CD70: variants seen among roughly 807,000 people sequenced by gnomAD.
CD70 encodes the protein CD70 molecule, also known as CD70 antigen.
In CD70, 6 loss-of-function variants were observed where a neutral mutation model predicts 9.0. The observed-to-expected ratio is 0.67, with a 90% CI of 0.37 to 1.32. CD70 has a LOEUF of 1.32. CD70 is among the 40% of genes most tolerant of loss of function. The pLI is 0.02. For missense variants in CD70, 235 were observed against 258.7 expected (o/e 0.91, Z 0.63); for synonymous variants, 108 against 112.3 (o/e 0.96, Z 0.24).
In CD70 at chr19:6,590,464, G is replaced by C. The variant is rs1352681701; in HGVS notation, c.163-328C>G. ...AAAGGCGCCCGGCGCGGTCCCCAAAGGGACCCCTCCCCCACCCGGAGCGAG... is the reference window on the plus strand; with the variant it reads ...AAAGGCGCCCGGCGCGGTCCCCAAACGGACCCCTCCCCCACCCGGAGCGAG... On this transcript the variant is annotated intron_variant, in intron 1 of 2. Transcript: ENST00000245903. The surrounding 1 kb of genome is among the most constrained non-coding windows in gnomAD (Gnocchi z 5.3). Among the ~76,000 whole-genome samples the C allele has an allele frequency of 1.3e-5, 2 of 152,140 alleles. No individual in the cohort carries two copies. The highest frequency in any genetic ancestry group is 3.2e-3 in the Middle Eastern group (1 of 314).
chr19:6,587,171 TGA>T (rs200436238), intron 2 of CD70, among the ~76,000 whole-genome samples: 2,562 of 125,496 alleles, frequency 0.02, 105 homozygotes, highest in Admixed American at 0.12. Context: ...AGAGACAGCA[TGA>T]GAGAGAGAGA....
At chr19:6,589,376 TTTCTTTTCCTTTC>T (rs1217299111) in intron 2 of CD70, among the ~76,000 whole-genome samples, 2 of 148,246 alleles carry the variant, frequency 1.3e-5, no homozygotes, top group Non-Finnish European at 3.0e-5. Flanking sequence ...TTTCTTTCTT[TTTCTTTTCCTTTC>T]TTCTTTTTAT....
At chr19:6,583,463 C>G, downstream of CD70, 1 of 645,224 alleles carries the variant, frequency 1.5e-6, no homozygotes, top group Non-Finnish European at 2.8e-6. Context: ...TCCCCAGTTC[C>G]AAAATCCAAA....
chr19:6,585,021 C>T (rs966895804), downstream of CD70, among the ~76,000 whole-genome samples: 1 of 152,096 alleles, frequency 6.6e-6, no homozygotes, highest in Non-Finnish European at 1.5e-5. Context: ...GTTTGCGACA[C>T]CCCTCACCAG....
In CD70 at chr19:6,590,694, G is replaced by T; in HGVS notation, c.162+147C>A. The T allele has an allele frequency of 2.8e-6, 2 of 704,802 alleles. No individual in the cohort carries two copies. The highest frequency in any genetic ancestry group is 2.8e-5 in the East Asian group (1 of 35,952). The allele number at this position is 704,802 out of a possible 1,614,324, so 43.7% of individuals were successfully genotyped here. On this transcript the variant is annotated intron_variant, in intron 1 of 2. Coordinates refer to ENST00000245903, the MANE Select transcript of CD70 (RefSeq NM_001252.5). This position sits in a 1 kb window ranked among gnomAD's most constrained non-coding sequence, Gnocchi z 5.3. ...TGTCTCGTAGCCCCTACACCGGGCAGCCTGGTCCCCGCCTCGCCTCCCTGT... is the reference window on the plus strand; with the variant it reads ...TGTCTCGTAGCCCCTACACCGGGCATCCTGGTCCCCGCCTCGCCTCCCTGT...
rs763748622 is a variant in CD70, at chr19:6,590,976, C to G, written c.27G>C (p.Ser9=). 3.1e-6 allele frequency: 5 copies of G among 1,611,370 alleles called. No individual in the cohort carries two copies. Among genetic ancestry groups the G allele is most frequent in the Middle Eastern group, 1.7e-4 (1 of 6,048 alleles). The part of the protein sequence containing the change: MPEEGSGC[S]VRRRPYGCVL... The stretch of plus-strand genomic sequence containing the variant: ...CGCACCCATAGGGCCTGCGCCGCAC[C>G]GAGCAGCCCGAACCCTCCTCCGGCA... The change falls in exon 1 of 3, where the codon TCG becomes TCC. Residue 9 remains serine (S), a synonymous_variant. Coordinates refer to ENST00000245903, the MANE Select transcript of CD70 (RefSeq NM_001252.5). The surrounding 1 kb of genome is among the most constrained non-coding windows in gnomAD (Gnocchi z 5.3).
rs745377808 is a variant in CD70, at chr19:6,586,215, G to T, written c.387C>A (p.Ala129=). Reference sequence around the variant, plus strand: ...GGGAGGCGGGAGAGCAGATTCCCACGGCCAGGGTGGTGGGGTGGTGCCTGG... The same window carrying T: ...GGGAGGCGGGAGAGCAGATTCCCACTGCCAGGGTGGTGGGGTGGTGCCTGG... ...TASRHHPTTL[A]VGICSPASRS... The change falls in exon 3 of 3, where the codon GCC becomes GCA. Residue 129 remains alanine (A), a synonymous_variant. Coordinates refer to ENST00000245903, the MANE Select transcript of CD70 (RefSeq NM_001252.5). The T allele has an allele frequency of 1.2e-6, 2 of 1,614,112 alleles. No homozygotes were observed. The highest frequency in any genetic ancestry group is 3.3e-5 in the Admixed American group (2 of 60,030).
intron 2 of CD70, among the ~76,000 whole-genome samples, chr19:6,587,508 A>G (rs1916053622): frequency 6.6e-6 from 1 of 151,146 alleles, no homozygotes; most frequent in African/African-American, 2.4e-5. Context: ...GACAGACAGC[A>G]CGAGAGAGAC....
downstream of CD70, chr19:6,583,528 GAACT>G: frequency 2.0e-6 from 1 of 510,426 alleles, no homozygotes; most frequent in Non-Finnish European, 3.5e-6. Context: ...TCTCTGACCT[GAACT>G]AACTTTTTGT....
chr19:6,588,984 G>A (rs1346262787), intron 2 of CD70, among the ~76,000 whole-genome samples: 1 of 152,102 alleles, frequency 6.6e-6, no homozygotes, highest in Admixed American at 6.5e-5. Context: ...GAGCGTTTTC[G>A]TTTACTAACA....
At chr19:6,586,967 T>C (rs1046902633) in intron 2 of CD70, among the ~76,000 whole-genome samples, 2 of 134,338 alleles carry the variant, frequency 1.5e-5, no homozygotes, top group Non-Finnish European at 3.1e-5. Context: ...GAGAGATATA[T>C]AGAGAGAGAA....
chr19:6,586,175 G>A lies in CD70; in HGVS notation c.427C>T (p.Leu143=). The A allele has an allele frequency of 6.2e-7, 1 of 1,614,154 alleles. No homozygotes were observed. Among genetic ancestry groups the A allele is most frequent in the South Asian group, 1.1e-5 (1 of 91,086 alleles). Residue 143 remains leucine, a synonymous_variant, in exon 3 of 3, where the codon CTG becomes TTG. Coordinates refer to ENST00000245903, the MANE Select transcript of CD70 (RefSeq NM_001252.5). ...CAACCTTGGTGGAAGCTGAGACGCA[G>A]CAGGCTGATGCTACGGGAGGCGGGA... ...CSPASRSISL[L]RLSFHQGCTI... is the part of the protein sequence containing the mutation.
At chr19:6,583,054 G>A, downstream of CD70, 1 of 335,242 alleles carries the variant, frequency 3.0e-6, no homozygotes, top group Non-Finnish European at 5.5e-6. Flanking sequence ...ATTTGTGAGG[G>A]CGGGTGGCGC....
chr19:6,582,246 G>C (rs896410666), downstream of CD70, among the ~76,000 whole-genome samples: 6 of 151,316 alleles, frequency 4.0e-5, no homozygotes, highest in Admixed American at 4.0e-4. Flanking sequence ...ATATTGCCCA[G>C]GCTGGTCTCG....
intron 2 of CD70, among the ~76,000 whole-genome samples, chr19:6,586,901 A>T (rs12979741): frequency 1.2e-5 from 1 of 86,512 alleles, no homozygotes; most frequent in Admixed American, 1.3e-4. Flanking sequence ...AGAGAGAGAG[A>T]CAAAAAAAAA....
At chr19:6,583,517 A>ATC, downstream of CD70, 1 of 575,420 alleles carries the variant, frequency 1.7e-6, no homozygotes, top group Non-Finnish European at 3.1e-6. Flanking sequence ...TTTGGCAGCA[A>ATC]TCTCTGACCT....
downstream of CD70, among the ~76,000 whole-genome samples, chr19:6,584,036 G>A (rs1440765634): frequency 2.0e-5 from 3 of 149,228 alleles, no homozygotes; most frequent in Admixed American, 6.7e-5. Flanking sequence ...CAGGCGATCC[G>A]CCCACCTCGG....
At chr19:6,582,272 G>A (rs1915932486), downstream of CD70, among the ~76,000 whole-genome samples, 1 of 151,452 alleles carries the variant, frequency 6.6e-6, no homozygotes, top group African/African-American at 2.4e-5. Context: ...TTCAGCTCAG[G>A]CAATCTGCTC....
At chr19:6,583,551 GT>G (rs1915958159), downstream of CD70, 1 of 405,178 alleles carries the variant, frequency 2.5e-6, no homozygotes, top group Admixed American at 4.9e-5. Context: ...GTTAATTGTA[GT>G]CTTTTTTTTT....
Sources: gnomAD v4.1 joint callset for allele counts (sites outside exome capture counted in the v4.1 genomes callset) on GRCh38, gnomAD v4.1.1 for gene constraint, Gnocchi (gnomAD v3.1) non-coding constraint, MANE v1.5 for transcripts, NCBI Gene and HGNC (gene_info 2026-07-23, HGNC 2026-07-21) for gene names.